The following TRPA1 variants were observed in gnomAD, a reference collection of about 807,000 sequenced individuals.
The protein encoded by TRPA1 is transient receptor potential cation channel subfamily A member 1, also known as ankyrin-like with transmembrane domains 1.
A neutral mutation model predicts 131.3 loss-of-function variants in TRPA1; 129 were observed. The observed-to-expected ratio is 0.98, with a 90% confidence interval of 0.85 to 1.14. The LOEUF is 1.14. Ranked by LOEUF, TRPA1 falls within the 50% of genes most tolerant of loss-of-function variation. The probability of loss-of-function intolerance (pLI) is 0.00; values close to 1 mark genes in which losing one functional copy is unlikely to be tolerated. For missense variants in TRPA1, 1,304 were observed against 1,354.2 expected (o/e 0.96, Z 0.58); for synonymous variants, 441 against 451.7 (o/e 0.98, Z 0.30).
At chr8:72,049,414 C>T (rs1253341174) in intron 15 of TRPA1, among the ~76,000 whole-genome samples, 1 of 152,084 alleles carries the variant, frequency 6.6e-6, no homozygotes, top group Non-Finnish European at 1.5e-5. Flanking sequence ...AATCCCAGGA[C>T]CTCCAGAAGG....
At position 72,052,905 on chromosome 8, in the gene TRPA1, G is replaced by A. The variant is rs1390838747; in HGVS notation, c.1645-140C>T. 3 of 881,942 alleles carry A rather than the reference G, an allele frequency of 3.4e-6. No individual in the cohort carries two copies. The Admixed American group carries it at 6.4e-5, about 19-fold the overall frequency. The allele number at this position is 881,942 out of a possible 1,614,324, so 54.6% of individuals were successfully genotyped here. ...ACTTAAAACTGGTGTTCAGAATCAA[G>A]CTTCAAAATAATGAGTTTATAGTTC... On this transcript the variant is annotated intron_variant, in intron 13 of 26. Coordinates refer to ENST00000262209, the MANE Select transcript of TRPA1 (RefSeq NM_007332.3).
intron 12 of TRPA1, 69 bp downstream of exon 12, chr8:72,055,367 T>C (rs1033528344): frequency 7.4e-7 from 1 of 1,342,632 alleles, no homozygotes; most frequent in Non-Finnish European, 1.1e-6. Context: ...ATTAAAAATA[T>C]AATGAAAAGA....
chr8:72,065,317 T>G (rs770272477), intron 4 of TRPA1, 134 bp downstream of exon 4: 18 of 813,212 alleles, frequency 2.2e-5, no homozygotes, highest in Non-Finnish European at 3.5e-5. Flanking sequence ...ATAGAAAAAC[T>G]TTTTTCCTGA....
chr8:72,079,745 T>C (rs1806254345), upstream of TRPA1, among the ~76,000 whole-genome samples: 1 of 151,848 alleles, frequency 6.6e-6, no homozygotes, highest in Non-Finnish European at 1.5e-5. Flanking sequence ...ATAGATTGAT[T>C]TGGTGGGAAG....
At chr8:72,063,652 C>A in intron 4 of TRPA1, 81 bp from the exon 5 acceptor site, 1 of 877,950 alleles carries the variant, frequency 1.1e-6, no homozygotes, top group South Asian at 1.3e-5. Context: ...GTGCCTCTCC[C>A]ATATCATTTT....
chr8:72,060,327 C>A lies in TRPA1; in HGVS notation c.945-889G>T, dbSNP rs150433428. The A allele has an allele frequency of 6.6e-5, 10 of 151,764 alleles. No individual in the cohort carries two copies. In the East Asian group the frequency reaches 1.7e-3, roughly 26 times the overall value. The allele number at this position is 151,764 out of a possible 1,614,324, so 9.4% of individuals were successfully genotyped here. ...AATCAAAGAGTTTTTTTCTTTAATT[C>A]CTGAGATTCATCTTAAAGATTTTCA... On this transcript the variant is annotated intron_variant, in intron 7 of 26. Coordinates refer to ENST00000262209, the MANE Select transcript of TRPA1 (RefSeq NM_007332.3).
At chr8:72,053,001 TAGAGAAA>T (rs1805558023) in intron 13 of TRPA1, 3 of 196,078 alleles carry the variant, frequency 1.5e-5, no homozygotes, top group African/African-American at 4.9e-5. Context: ...GTGTGAGAGA[TAGAGAAA>T]GAGAGAGAGA....
rs1049159099 is a variant in TRPA1 at position 72,068,879 on chromosome 8, G to A, written c.444+144C>T. ...CATCATCATCATCATTAGTTAGTGA[G>A]AAGTAAAGCAAATGTAATAATTGCA... is the stretch of plus-strand genomic sequence containing the variant. On this transcript the variant is annotated intron_variant, in intron 3 of 26. Transcript: ENST00000262209. The A allele has an allele frequency of 4.8e-5, 41 of 845,554 alleles. 3 individuals carry two copies. Among genetic ancestry groups the A allele is most frequent in the South Asian group, 4.4e-4 (31 of 70,520 alleles). The allele number at this position is 845,554 out of a possible 1,614,324, so 52.4% of individuals were successfully genotyped here. A position where few individuals can be genotyped will look rare whatever the true frequency, so the allele number is the denominator to read the frequency against.
intron 3 of TRPA1, among the ~76,000 whole-genome samples, chr8:72,067,514 C>A (rs138311359): frequency 3.7e-4 from 57 of 152,192 alleles, no homozygotes; most frequent in Non-Finnish European, 7.8e-4. Context: ...TATGTGATAC[C>A]TACCTTTCTG....
chr8:72,045,841 A>G (rs1812410820), intron 17 of TRPA1, among the ~76,000 whole-genome samples: 1 of 151,988 alleles, frequency 6.6e-6, no homozygotes, highest in African/African-American at 2.4e-5. Flanking sequence ...TTCATTGGCT[A>G]GAAACATAAA....
At chr8:72,084,589 T>A in the TRPA1 span, among the ~76,000 whole-genome samples, 31,133 of 151,126 alleles carry the variant, frequency 0.21, 3,784 homozygotes, top group Non-Finnish European at 0.25. Context: ...CTAAAAATTA[T>A]CTTACTTTAT....
At chr8:72,031,121 A>G (rs1261124005) in intron 23 of TRPA1, among the ~76,000 whole-genome samples, 2 of 152,238 alleles carry the variant, frequency 1.3e-5, no homozygotes, top group Admixed American at 6.5e-5. Context: ...CAGTCACAGA[A>G]TGAATGAAGA....
the TRPA1 span, among the ~76,000 whole-genome samples, chr8:72,085,906 T>G: frequency 2.6e-5 from 4 of 152,182 alleles, no homozygotes; most frequent in Non-Finnish European, 5.9e-5. Flanking sequence ...CTACTTTTTA[T>G]TTATTTATTT....
chr8:72,030,426 C>G (rs1050454234), intron 23 of TRPA1, among the ~76,000 whole-genome samples: 5 of 152,144 alleles, frequency 3.3e-5, no homozygotes, highest in African/African-American at 1.2e-4. Flanking sequence ...AAGTGGGAGA[C>G]TGGGCATATA....
At chr8:72,071,150 A>G (rs1227058754) in intron 2 of TRPA1, among the ~76,000 whole-genome samples, 1 of 152,170 alleles carries the variant, frequency 6.6e-6, no homozygotes, top group Admixed American at 6.5e-5. Context: ...TACTACCAAA[A>G]TAGCTTTTTA....
intron 15 of TRPA1, among the ~76,000 whole-genome samples, chr8:72,048,287 C>T (rs13262928): frequency 0.12 from 18,081 of 152,004 alleles, 1,330 homozygotes; most frequent in Middle Eastern, 0.29. Flanking sequence ...CAGGACTAGA[C>T]AAAATACCCC....
chr8:72,075,216 C>T, intron 1 of TRPA1, 83 bp downstream of exon 1: 1 of 1,109,458 alleles, frequency 9.0e-7, no homozygotes, highest in Non-Finnish European at 1.4e-6. Flanking sequence ...TTTCTCCAAA[C>T]CAAGGGCTGC....
intron 22 of TRPA1, 54 bp from the exon 23 acceptor site, chr8:72,033,880 G>C: frequency 2.0e-6 from 3 of 1,533,998 alleles, no homozygotes; most frequent in Non-Finnish European, 2.7e-6. Context: ...CAATGAAAAA[G>C]TGTTTCCTGG....
intron 17 of TRPA1, among the ~76,000 whole-genome samples, chr8:72,040,666 G>T (rs1812223367): frequency 6.6e-6 from 1 of 152,046 alleles, no homozygotes; most frequent in South Asian, 2.1e-4. Flanking sequence ...TGACATGAAT[G>T]GGTCTCAGGA....
Sources: gnomAD v4.1 joint callset for allele counts (sites outside exome capture counted in the v4.1 genomes callset) on GRCh38, gnomAD v4.1.1 for gene constraint, MANE v1.5 for transcripts, NCBI Gene and HGNC (gene_info 2026-07-23, HGNC 2026-07-21) for gene names.